RAB27A: variants seen among roughly 807,000 people sequenced by gnomAD.
The protein encoded by RAB27A is RAB27A, member RAS oncogene family.
RAB27A carries 17 observed loss-of-function variants against 20.8 expected under a neutral mutation model. The ratio of observed to expected loss-of-function variants is 0.82; its 90% CI spans 0.56 to 1.23. The LOEUF (loss-of-function observed/expected upper bound fraction) is 1.23. RAB27A is among the 50% of genes most tolerant of loss of function. RAB27A has a pLI of 0.00. For synonymous variants in RAB27A, 85 were observed against 92.8 expected, an observed-to-expected ratio of 0.92 and a Z score of 0.48; for missense variants, 277 against 266.7, an observed-to-expected ratio of 1.04 and a Z score of -0.27.
At chr15:55,299,772 A>G (rs1254839863) in intron 2 of RAB27A, among the ~76,000 whole-genome samples, 1 of 152,026 alleles carries the variant, frequency 6.6e-6, no homozygotes, top group Non-Finnish European at 1.5e-5. Context: ...GAGAATTTGG[A>G]TGATACATGA....
rs146944908 is a variant in RAB27A at position 55,209,766 on chromosome 15, A to G, written c.468-4061T>C. On this transcript the variant is annotated intron_variant, in intron 6 of 6. Coordinates refer to ENST00000336787, the MANE Select transcript of RAB27A (RefSeq NM_183235.3). Reference sequence around the variant, plus strand: ...CACATATATATGTGTATGTGTGTACATATACATATATACACACATATGTGT... The same window carrying G: ...CACATATATATGTGTATGTGTGTACGTATACATATATACACACATATGTGT... 1.8e-3 allele frequency among the ~76,000 whole-genome samples: 235 copies of G among 129,888 alleles called. 8 individuals carry two copies. In the East Asian group the frequency reaches 0.027, roughly 15 times the overall value. The allele number at this position is 129,888 out of a possible 152,430, so 85.2% of individuals were successfully genotyped here. A position where few individuals can be genotyped will look rare whatever the true frequency, so the allele number is the denominator to read the frequency against.
intron 1 of RAB27A, 23 bp from the exon 2 acceptor site, chr15:55,270,307 T>C (rs1040230824): frequency 6.6e-6 from 1 of 152,166 alleles, no homozygotes; most frequent in African/African-American, 2.4e-5. Context: ...CAAAGAGAAA[T>C]GTTAAAGTCA....
At chr15:55,266,013 G>A (rs1897466171) in intron 2 of RAB27A, among the ~76,000 whole-genome samples, 1 of 152,216 alleles carries the variant, frequency 6.6e-6, no homozygotes, top group Non-Finnish European at 1.5e-5. Context: ...ATGGAGACTG[G>A]AAATACACAG....
intron 2 of RAB27A, chr15:55,259,998 T>A (rs1023251759): frequency 6.6e-6 from 1 of 152,232 alleles, no homozygotes; most frequent in South Asian, 2.1e-4. Context: ...TGGAATTGCA[T>A]TGCATTGCAT....
chr15:55,264,170 C>A (rs993871561), intron 2 of RAB27A, among the ~76,000 whole-genome samples: 1 of 152,160 alleles, frequency 6.6e-6, no homozygotes, highest in African/African-American at 2.4e-5. Context: ...CATGCCTCAG[C>A]CTCCCAAGTA....
At chr15:55,239,870 T>C (rs1896411234) in intron 2 of RAB27A, among the ~76,000 whole-genome samples, 1 of 152,104 alleles carries the variant, frequency 6.6e-6, no homozygotes, top group Non-Finnish European at 1.5e-5. Flanking sequence ...TTGGGCATGG[T>C]GTTGAGGGCG....
chr15:55,222,747 C>G (rs1040172615), intron 6 of RAB27A, among the ~76,000 whole-genome samples: 14 of 152,116 alleles, frequency 9.2e-5, no homozygotes, highest in African/African-American at 3.1e-4. Flanking sequence ...CTGCTAACCA[C>G]CAAAGCCACA....
intron 6 of RAB27A, among the ~76,000 whole-genome samples, chr15:55,221,611 A>C (rs1277669008): frequency 6.6e-6 from 1 of 152,128 alleles, no homozygotes; most frequent in South Asian, 2.1e-4. Flanking sequence ...CAGGCTTTGT[A>C]ATGAGTCAGC....
chr15:55,217,139 C>G (rs1449103196), intron 6 of RAB27A, among the ~76,000 whole-genome samples: 1 of 152,154 alleles, frequency 6.6e-6, no homozygotes, highest in African/African-American at 2.4e-5. Flanking sequence ...TTGTAAACCT[C>G]TAGGTCATGG....
At position 55,249,798 on chromosome 15, in the gene RAB27A, G is replaced by A. The variant is rs1018821632; in HGVS notation, c.-22-14842C>T. ...TTTTAGAAAATAAGCCCAAGGTCAT[G>A]TCTTAAAGAGGATGAATATAAAGCA... On this transcript the variant is annotated intron_variant, in intron 2 of 6. Transcript: ENST00000336787. 3.3e-5 allele frequency among the ~76,000 whole-genome samples: 5 copies of A among 152,170 alleles called. No homozygotes were observed. The South Asian group carries it at 1.0e-3, about 32-fold the overall frequency.
At chr15:55,301,645 C>CTT (rs754262049) in intron 2 of RAB27A, among the ~76,000 whole-genome samples, 2,471 of 117,514 alleles carry the variant, frequency 0.021, 93 homozygotes, top group African/African-American at 0.033. Flanking sequence ...CCCTAAAAAT[C>CTT]TTTTTTTTTT....
chr15:55,299,726 G>C (rs772192468), intron 2 of RAB27A, among the ~76,000 whole-genome samples: 2 of 151,834 alleles, frequency 1.3e-5, no homozygotes, highest in Admixed American at 6.6e-5. Context: ...AAAAAAACAA[G>C]TTTATCTTAT....
Position 55,234,894 on chromosome 15 carries a change from G to A in RAB27A, c.41C>T (p.Ala14Val), listed in dbSNP as rs1024213806. 6.2e-7 allele frequency: 1 copy of A among 1,612,704 alleles called. No homozygotes were observed. The highest frequency in any genetic ancestry group is 1.7e-5 in the Admixed American group (1 of 59,874). The change falls in exon 3 of 7, where the codon GCT becomes GTT. Residue 14 changes from alanine (A) to valine (V), a missense_variant. By Grantham distance (64) the Ala-to-Val change is moderately conservative. Transcript: ENST00000336787. ...CTTCCCTACACCAGAGTCTCCCAAA[G>A]CTAAAAACTTGATGAGGTAATCATA... ...GDYDYLIKFL[A>V]LGDSGVGKTS...
intron 6 of RAB27A, among the ~76,000 whole-genome samples, chr15:55,222,988 ATGC>A (rs148830551): frequency 0.17 from 26,282 of 151,604 alleles, 2,641 homozygotes; most frequent in African/African-American, 0.26. Flanking sequence ...TGTCCAGTTC[ATGC>A]TGCTGCTGCT....
At chr15:55,277,900 T>C (rs976937167) in intron 1 of RAB27A, among the ~76,000 whole-genome samples, 4 of 152,308 alleles carry the variant, frequency 2.6e-5, no homozygotes, top group South Asian at 2.1e-4. Context: ...TATCCCAGCA[T>C]TGGGCAAGTT....
At chr15:55,214,278 T>C (rs1182262650) in intron 6 of RAB27A, among the ~76,000 whole-genome samples, 2 of 152,106 alleles carry the variant, frequency 1.3e-5, no homozygotes, top group East Asian at 1.9e-4. Context: ...CTACTAAAAA[T>C]ACAAAAAATT....
At chr15:55,213,338 T>G (rs1895115518) in intron 6 of RAB27A, among the ~76,000 whole-genome samples, 1 of 152,242 alleles carries the variant, frequency 6.6e-6, no homozygotes, top group Admixed American at 6.5e-5. Context: ...TCTTTTATTC[T>G]TTCTTGGCTA....
intron 1 of RAB27A, among the ~76,000 whole-genome samples, chr15:55,287,512 C>T (rs142616446): frequency 6.6e-6 from 1 of 152,070 alleles, no homozygotes; most frequent in African/African-American, 2.4e-5. Context: ...CTTTGGGAGG[C>T]TGAGGCAGAC....
upstream of RAB27A, among the ~76,000 whole-genome samples, chr15:55,291,829 T>C (rs563504361): frequency 3.3e-5 from 5 of 152,166 alleles, no homozygotes; most frequent in Non-Finnish European, 7.3e-5. Context: ...AACTGGTCCC[T>C]GACGTCAGGA....
Sources: gnomAD v4.1 joint callset for allele counts (sites outside exome capture counted in the v4.1 genomes callset) on GRCh38, gnomAD v4.1.1 for gene constraint, MANE v1.5 for transcripts, NCBI Gene and HGNC (gene_info 2026-07-23, HGNC 2026-07-21) for gene names.